HELLS: variants seen among roughly 807,000 people sequenced by gnomAD.
HELLS encodes lymphoid-specific helicase.
In HELLS, 32 loss-of-function variants were observed where a neutral mutation model predicts 120.0. The ratio of observed to expected loss-of-function variants is 0.27; its 90% CI spans 0.20 to 0.36. The LOEUF is 0.36. Ranked by LOEUF, HELLS falls within the 10% of genes least tolerant of loss-of-function variation. The probability of loss-of-function intolerance (pLI) is 1.00; values close to 1 mark genes in which losing one functional copy is unlikely to be tolerated. For missense variants in HELLS, 650 were observed against 993.4 expected, an observed-to-expected ratio of 0.65 and a Z score of 4.65; for synonymous variants, 341 against 323.4, an observed-to-expected ratio of 1.05 and a Z score of -0.58.
At chr10:94,578,898 T>G (rs1052812073) in intron 10 of HELLS, among the ~76,000 whole-genome samples, 1 of 152,128 alleles carries the variant, frequency 6.6e-6, no homozygotes, top group Non-Finnish European at 1.5e-5. Flanking sequence ...TCTCCTGATC[T>G]GACGGGAGGC....
At chr10:94,582,120 T>G (rs951203569) in intron 11 of HELLS, among the ~76,000 whole-genome samples, 8 of 152,162 alleles carry the variant, frequency 5.3e-5, no homozygotes. Flanking sequence ...AAATATAACT[T>G]GGGCAAAAAA....
intron 13 of HELLS, 125 bp from the exon 14 acceptor site, chr10:94,590,288 C>T: frequency 1.2e-6 from 1 of 807,718 alleles, no homozygotes; most frequent in East Asian, 2.9e-5. Context: ...AACTAATTTC[C>T]CACAACATTT....
intron 3 of HELLS, 91 bp downstream of exon 3, chr10:94,554,339 G>A: frequency 1.1e-6 from 1 of 915,802 alleles, no homozygotes; most frequent in Non-Finnish European, 1.6e-6. Flanking sequence ...AAAATGGACA[G>A]ATTTTAAGTG....
chr10:94,584,783 T>G (rs746344279), intron 12 of HELLS, among the ~76,000 whole-genome samples: 80 of 152,152 alleles, frequency 5.3e-4, no homozygotes, highest in Admixed American at 2.2e-3. Flanking sequence ...ACTTCAGATT[T>G]CCATTAATAT....
intron 3 of HELLS, among the ~76,000 whole-genome samples, chr10:94,555,120 G>A (rs532236894): frequency 6.6e-6 from 1 of 151,766 alleles, no homozygotes; most frequent in African/African-American, 2.4e-5. Context: ...TCTAGCCTGG[G>A]TGACAGAGCA....
rs750567396 is a variant in HELLS, at chr10:94,592,328, G to T, written c.1851+16G>T. ...AGGTCACAAGGTGGTACTTTTGATT[G>T]GAATTTTGGATTGTTCAATTATTTT... On this transcript the variant is annotated intron_variant, in intron 16 of 21. Coordinates refer to ENST00000348459, the MANE Select transcript of HELLS (RefSeq NM_018063.5). 30 of 1,593,426 alleles carry T rather than the reference G, an allele frequency of 1.9e-5. No individual in the cohort carries two copies. Among genetic ancestry groups the T allele is most frequent in the Non-Finnish European group, 2.4e-5 (28 of 1,171,010 alleles).
At chr10:94,554,288 A>T (rs781532433) in intron 3 of HELLS, 40 bp downstream of exon 3, 23 of 1,429,364 alleles carry the variant, frequency 1.6e-5, no homozygotes, top group Admixed American at 2.6e-5. Context: ...AGCTTAAAAA[A>T]ATTTAAAAAT....
chr10:94,555,666 G>C (rs1408112375), intron 3 of HELLS, among the ~76,000 whole-genome samples: 1 of 152,088 alleles, frequency 6.6e-6, no homozygotes, highest in Non-Finnish European at 1.5e-5. Flanking sequence ...GTCTTACTCT[G>C]TTGCCCAGGC....
Position 94,545,816 on chromosome 10 carries a change from G to A in HELLS, c.-106G>A, listed in dbSNP as rs1432407281. 4 of 1,304,062 alleles carry A rather than the reference G, an allele frequency of 3.1e-6. No homozygotes were observed. Among genetic ancestry groups the A allele is most frequent in the African/African-American group, 1.5e-5 (1 of 68,158 alleles). 80.8% of individuals were successfully genotyped at this position (1,304,062 alleles called of 1,614,324 possible). On this transcript the variant is annotated 5_prime_UTR_variant, in exon 1 of 22. Coordinates refer to ENST00000348459, the MANE Select transcript of HELLS (RefSeq NM_018063.5). The stretch of plus-strand genomic sequence containing the variant: ...GGAGAAGCGCGCTTTTTTCCCTGGC[G>A]GGGGATTTGGCTAGAAGGCTGGGCC...
chr10:94,577,224 A>G (rs926212615), intron 10 of HELLS: 40 of 266,808 alleles, frequency 1.5e-4, no homozygotes, highest in Admixed American at 5.2e-4. Context: ...TTGATGTTCT[A>G]GCTACTTATT....
Position 94,580,156 on chromosome 10 carries a change from T to TA in HELLS, c.1033-1169dup, listed in dbSNP as rs1400689189. On this transcript the variant is annotated intron_variant, in intron 10 of 21. Coordinates refer to ENST00000348459, the MANE Select transcript of HELLS (RefSeq NM_018063.5). ...ATATATATATATATATATATATATA[T>TA]ATATATACACACACACACACACACA... 1.7e-3 allele frequency among the ~76,000 whole-genome samples: 86 copies of TA among 49,198 alleles called. 4 individuals are homozygous for TA. The highest frequency in any genetic ancestry group is 0.014 in the Middle Eastern group (1 of 70). 32.3% of individuals were successfully genotyped at this position (49,198 alleles called of 152,430 possible).
In HELLS at chr10:94,588,328, CAGG is replaced by C; in HGVS notation, c.1429_1431del (p.Glu477del). 6 of 1,612,432 alleles carry C rather than the reference CAGG, an allele frequency of 3.7e-6. No individual in the cohort carries two copies. Among genetic ancestry groups the C allele is most frequent in the Non-Finnish European group, 5.1e-6 (6 of 1,178,804 alleles). Reference sequence around the variant, plus strand: ...CGTTTATGCTCCACTTTCAAAGAAGCAGGAGATCTTTTATACAGCCATTGTGAA... The same window carrying C: ...CGTTTATGCTCCACTTTCAAAGAAGCAGATCTTTTATACAGCCATTGTGAA... On this transcript the variant is annotated inframe_deletion, in exon 13 of 22. Coordinates refer to ENST00000348459, the MANE Select transcript of HELLS (RefSeq NM_018063.5).
intron 6 of HELLS, chr10:94,569,830 C>G (rs1844046135): frequency 1.3e-5 from 2 of 152,120 alleles, no homozygotes. Context: ...TAATGCGTAT[C>G]TTGGGTCTCT....
intron 11 of HELLS, 88 bp downstream of exon 11, chr10:94,581,610 G>A: frequency 1.1e-6 from 1 of 941,846 alleles, no homozygotes; most frequent in Non-Finnish European, 1.6e-6. Flanking sequence ...GAATTAAAAT[G>A]CCAAATATTT....
intron 10 of HELLS, among the ~76,000 whole-genome samples, chr10:94,580,125 A>G (rs1212137921): frequency 4.5e-5 from 1 of 22,044 alleles, no homozygotes; most frequent in Non-Finnish European, 7.8e-5. Flanking sequence ...AAGTATATAT[A>G]TATATATATA....
intron 18 of HELLS, 87 bp downstream of exon 18, chr10:94,593,702 GC>G: frequency 1.3e-6 from 1 of 787,416 alleles, no homozygotes; most frequent in Non-Finnish European, 2.2e-6. Context: ...TCACTCTGTT[GC>G]CCAGGCTGGA....
rs776748003 is a variant in HELLS, at chr10:94,583,068, T to C, written c.1326+9T>C. On this transcript the variant is annotated intron_variant, in intron 12 of 21. Transcript: ENST00000348459. ...TGCATATGCTGCACCAGGTTTTCCA[T>C]GTTTTCTTATTCTGCTTAACCATAG... The C allele has an allele frequency of 2.6e-6, 4 of 1,512,554 alleles. No homozygotes were observed. Among genetic ancestry groups the C allele is most frequent in the Admixed American group, 3.6e-5 (2 of 55,808 alleles). 93.7% of individuals were successfully genotyped at this position (1,512,554 alleles called of 1,614,324 possible).
chr10:94,580,187 T>TCACACACACA (rs1564602849), intron 10 of HELLS, among the ~76,000 whole-genome samples: 5 of 47,540 alleles, frequency 1.1e-4, no homozygotes, highest in African/African-American at 2.8e-4. Context: ...ACACACACAT[T>TCACACACACA]TTTTTTTTTT....
chr10:94,559,876 T>C (rs1843465357), intron 4 of HELLS, among the ~76,000 whole-genome samples: 1 of 152,180 alleles, frequency 6.6e-6, no homozygotes, highest in South Asian at 2.1e-4. Flanking sequence ...AAGCTTGTAT[T>C]TTTCCTAGGG....
Sources: allele counts gnomAD v4.1 joint callset (sites outside exome capture counted in the v4.1 genomes callset), GRCh38; gene constraint gnomAD v4.1.1; transcripts MANE v1.5; gene names NCBI Gene and HGNC (gene_info 2026-07-23, HGNC 2026-07-21).